The following RFX3 variants were observed in gnomAD, a reference collection of about 807,000 sequenced individuals.
RFX3 encodes transcription factor RFX3.
A neutral mutation model predicts 98.6 loss-of-function variants in RFX3; 14 were observed. The observed-to-expected ratio is 0.14, with a 90% CI of 0.09 to 0.22. RFX3 has a LOEUF of 0.22. Among genes scored for constraint, RFX3 ranks in the 10% least tolerant of loss-of-function variants. RFX3 has a pLI of 1.00. For synonymous variants in RFX3, 383 were observed against 328.4 expected (o/e 1.17, Z -1.80); for missense variants, 639 against 926.9 (o/e 0.69, Z 4.03).
chr9:3,386,301 C>T (rs1015155354), intron 2 of RFX3, among the ~76,000 whole-genome samples: 2 of 151,840 alleles, frequency 1.3e-5, no homozygotes, highest in East Asian at 1.9e-4. Context: ...ACTATTACTA[C>T]TATTAATAAT....
intron 1 of RFX3, among the ~76,000 whole-genome samples, chr9:3,475,776 A>T (rs1360921863): frequency 6.6e-6 from 1 of 152,120 alleles, no homozygotes; most frequent in Non-Finnish European, 1.5e-5. Context: ...CCTCCAGATA[A>T]CTGTGGGCAG....
At chr9:3,462,348 T>G (rs1390122664) in intron 1 of RFX3, among the ~76,000 whole-genome samples, 3 of 152,042 alleles carry the variant, frequency 2.0e-5, no homozygotes, top group Admixed American at 6.5e-5. Flanking sequence ...CAATTTAACA[T>G]TCACTCATAA....
chr9:3,463,053 T>C (rs1426179075), intron 1 of RFX3, among the ~76,000 whole-genome samples: 1 of 152,064 alleles, frequency 6.6e-6, no homozygotes, highest in Non-Finnish European at 1.5e-5. Flanking sequence ...TAAAAATGTA[T>C]ATGAAAATGT....
intron 2 of RFX3, among the ~76,000 whole-genome samples, chr9:3,380,749 G>A (rs1432316924): frequency 3.3e-5 from 5 of 152,126 alleles, no homozygotes; most frequent in East Asian, 3.9e-4. Context: ...TATAATTTAA[G>A]CTCAAACATT....
At chr9:3,382,372 T>C (rs1285749974) in intron 2 of RFX3, among the ~76,000 whole-genome samples, 3 of 152,208 alleles carry the variant, frequency 2.0e-5, no homozygotes, top group South Asian at 2.1e-4. Context: ...TCAACTATAA[T>C]ATGAATTTGG....
At position 3,369,260 on chromosome 9, in the gene RFX3, T is replaced by A. The variant is rs569255338; in HGVS notation, c.118-22496A>T. Among the ~76,000 whole-genome samples, 3 of 152,328 alleles carry A rather than the reference T, an allele frequency of 2.0e-5. No homozygotes were observed. In the South Asian group the frequency reaches 6.2e-4, roughly 32 times the overall value. On this transcript the variant is annotated intron_variant, in intron 2 of 16. Transcript: ENST00000617270. ...AGATCAAGGCAGATTCAACGTTTGA[T>A]GACAGCCTGCTTTCTGGCTCATAGA...
chr9:3,266,601 T>G (rs1451119876), intron 11 of RFX3, among the ~76,000 whole-genome samples: 2 of 152,082 alleles, frequency 1.3e-5, no homozygotes, highest in African/African-American at 2.4e-5. Context: ...GTGAATATAC[T>G]TAAAGAATTT....
chr9:3,463,170 G>A lies in RFX3; in HGVS notation c.-9+62577C>T, dbSNP rs552338286. Among the ~76,000 whole-genome samples, 11 of 152,166 alleles carry A rather than the reference G, an allele frequency of 7.2e-5. No individual in the cohort carries two copies. In the East Asian group the frequency reaches 1.9e-3, roughly 27 times the overall value. ...GAGCTACAATAATCAAGAAAATAGGGTATTGTCATAAAGACAGTAATTAAA... is the reference window on the plus strand; with the variant it reads ...GAGCTACAATAATCAAGAAAATAGGATATTGTCATAAAGACAGTAATTAAA... On this transcript the variant is annotated intron_variant, in intron 1 of 16. Transcript: ENST00000617270.
intron 1 of RFX3, among the ~76,000 whole-genome samples, chr9:3,406,270 G>C (rs1355165234): frequency 1.3e-5 from 2 of 151,530 alleles, no homozygotes; most frequent in Admixed American, 6.6e-5. Flanking sequence ...CCAACCCTGG[G>C]GACATTTGAA....
At chr9:3,278,302 C>CTTCTTT (rs1426215263) in intron 7 of RFX3, among the ~76,000 whole-genome samples, 1 of 151,830 alleles carries the variant, frequency 6.6e-6, no homozygotes. Flanking sequence ...ACTGTAATTT[C>CTTCTTT]TTCTTTTTCT....
intron 1 of RFX3, among the ~76,000 whole-genome samples, chr9:3,439,132 TA>T (rs1181024147): frequency 1.3e-5 from 2 of 150,756 alleles, no homozygotes; most frequent in African/African-American, 4.9e-5. Flanking sequence ...TGAACGAAAT[TA>T]AAAAAAATAA....
At chr9:3,253,048 C>A (rs569265136) in intron 14 of RFX3, among the ~76,000 whole-genome samples, 1 of 152,302 alleles carries the variant, frequency 6.6e-6, no homozygotes, top group South Asian at 2.1e-4. Context: ...GTAAAATTGA[C>A]TCCACTGAAT....
chr9:3,423,956 G>A (rs1002355280), intron 1 of RFX3, among the ~76,000 whole-genome samples: 1 of 151,564 alleles, frequency 6.6e-6, no homozygotes, highest in Admixed American at 6.6e-5. Flanking sequence ...GACCATCCCG[G>A]CTAACATGGT....
At chr9:3,524,862 CACACACACACACACA>C (rs1564205405) in intron 1 of RFX3, among the ~76,000 whole-genome samples, 30 of 137,674 alleles carry the variant, frequency 2.2e-4, no homozygotes, top group African/African-American at 7.9e-4. Context: ...CACACACACA[CACACACACACACACA>C]CCAAAGAAGA....
At chr9:3,416,280 T>C (rs536228389) in intron 1 of RFX3, among the ~76,000 whole-genome samples, 4 of 152,310 alleles carry the variant, frequency 2.6e-5, no homozygotes, top group African/African-American at 9.6e-5. Flanking sequence ...TCTCCATATT[T>C]TAGCATGAAC....
intron 1 of RFX3, among the ~76,000 whole-genome samples, chr9:3,507,394 C>G (rs1817206113): frequency 6.6e-6 from 1 of 151,994 alleles, no homozygotes; most frequent in South Asian, 2.1e-4. Context: ...ACTCACATGT[C>G]AGGCACAGTG....
intron 1 of RFX3, among the ~76,000 whole-genome samples, chr9:3,418,179 G>T (rs1564074446): frequency 1.3e-5 from 2 of 152,150 alleles, no homozygotes; most frequent in Non-Finnish European, 2.9e-5. Flanking sequence ...TACTTAAGTA[G>T]CAATGCCTTA....
intron 1 of RFX3, among the ~76,000 whole-genome samples, chr9:3,504,150 C>A (rs567718119): frequency 1.0e-5 from 1 of 99,744 alleles, no homozygotes; most frequent in African/African-American, 7.2e-5. Flanking sequence ...ATATATTATA[C>A]ATATTATATA....
At chr9:3,254,844 A>G (rs1821900335) in intron 14 of RFX3, among the ~76,000 whole-genome samples, 1 of 152,234 alleles carries the variant, frequency 6.6e-6, no homozygotes, top group Non-Finnish European at 1.5e-5. Flanking sequence ...TCTCATCAAC[A>G]CATTTCTCAT....
Sources: allele counts gnomAD v4.1 joint callset (sites outside exome capture counted in the v4.1 genomes callset), GRCh38; gene constraint gnomAD v4.1.1; transcripts MANE v1.5; gene names NCBI Gene and HGNC (gene_info 2026-07-23, HGNC 2026-07-21).